Variants in SLC4A10 observed in about 807,000 individuals in gnomAD.
SLC4A10 encodes the protein solute carrier family 4 member 10, also known as sodium-driven chloride bicarbonate exchanger.
SLC4A10 carries 42 observed loss-of-function variants against 137.7 expected under a neutral mutation model. That is an observed-to-expected ratio of 0.30 (90% CI 0.24 to 0.39). The LOEUF is 0.39. SLC4A10 is among the 10% of genes least tolerant of loss of function. SLC4A10 has a pLI of 1.00. For missense variants in SLC4A10, 925 were observed against 1,355.0 expected (o/e 0.68, Z 4.98); for synonymous variants, 474 against 464.1 (o/e 1.02, Z -0.27).
At chr2:161,881,654 C>T (rs2061790201) in intron 9 of SLC4A10, among the ~76,000 whole-genome samples, 3 of 151,944 alleles carry the variant, frequency 2.0e-5, no homozygotes, top group Non-Finnish European at 4.4e-5. Context: ...GAAGGATTGA[C>T]CTTCTCAGAG....
intron 1 of SLC4A10, among the ~76,000 whole-genome samples, chr2:161,679,505 A>C (rs555846325): frequency 2.0e-5 from 3 of 152,130 alleles, no homozygotes; most frequent in Non-Finnish European, 4.4e-5. Context: ...ACATGATGAC[A>C]TGTAAAATAG....
intron 1 of SLC4A10, among the ~76,000 whole-genome samples, chr2:161,638,634 A>G (rs945620135): frequency 2.0e-5 from 3 of 152,012 alleles, no homozygotes; most frequent in Admixed American, 1.3e-4. Flanking sequence ...TACAAAATTT[A>G]AGATTTTTTC....
chr2:161,691,404 T>G (rs891475015), intron 1 of SLC4A10, among the ~76,000 whole-genome samples: 4 of 151,838 alleles, frequency 2.6e-5, no homozygotes, highest in African/African-American at 9.7e-5. Context: ...TAGTATTTGA[T>G]AGCACAACAG....
chr2:161,907,647 C>G (rs1684767242), intron 15 of SLC4A10, among the ~76,000 whole-genome samples: 1 of 152,102 alleles, frequency 6.6e-6, no homozygotes, highest in Non-Finnish European at 1.5e-5. Flanking sequence ...GAGAAGGCTT[C>G]CTGGAGGAAA....
intron 15 of SLC4A10, among the ~76,000 whole-genome samples, chr2:161,936,235 C>T (rs1211410558): frequency 1.3e-5 from 2 of 151,988 alleles, no homozygotes; most frequent in African/African-American, 4.8e-5. Flanking sequence ...GGATATTGAC[C>T]TATAATATTT....
chr2:161,950,632 G>A, intron 18 of SLC4A10, 55 bp from the exon 19 acceptor site: 1 of 1,524,276 alleles, frequency 6.6e-7, no homozygotes, highest in Non-Finnish European at 8.9e-7. Context: ...GACCTAATTT[G>A]ATCAAGTATT....
rs780074330 is a variant in SLC4A10 at position 161,839,842 on chromosome 2, G to C, written c.331G>C (p.Glu111Gln). ...TCTTGGAACCGAGGATGATGACGAG[G>C]AACACATTCCTCATGACCTTTTCAC... is the stretch of plus-strand genomic sequence containing the variant. ...FILGTEDDDEEHIPHDLFTEL... is the reference protein window; with the variant it reads ...FILGTEDDDEQHIPHDLFTEL... Residue 111 changes from glutamate to glutamine, a missense_variant, in exon 4 of 27, where the codon GAA (glutamate) becomes CAA (glutamine). This residue lies in a region of SLC4A10 where 138 missense variants were observed against 171.3 expected (regional missense o/e 0.81). Transcript: ENST00000446997. 1.2e-6 allele frequency: 2 copies of C among 1,613,758 alleles called. No individual in the cohort carries two copies. The highest frequency in any genetic ancestry group is 1.7e-6 in the Non-Finnish European group (2 of 1,179,862).
chr2:161,964,319 T>C lies in SLC4A10; in HGVS notation c.3036+11T>C. The C allele has an allele frequency of 6.2e-7, 1 of 1,612,710 alleles. No individual in the cohort carries two copies. The highest frequency in any genetic ancestry group is 8.5e-7 in the Non-Finnish European group (1 of 1,179,250). The stretch of plus-strand genomic sequence containing the variant: ...GTCTTTCCCATGATGGTATGAAACT[T>C]CTGTCAACTATTTTTCTCTTTCTCT... On this transcript the variant is annotated intron_variant, in intron 22 of 26. Coordinates refer to ENST00000446997, the MANE Select transcript of SLC4A10 (RefSeq NM_001178015.2).
chr2:161,934,342 C>A (rs1013205985), intron 15 of SLC4A10, among the ~76,000 whole-genome samples: 5 of 151,880 alleles, frequency 3.3e-5, no homozygotes, highest in African/African-American at 1.2e-4. Flanking sequence ...CCTCTGATAA[C>A]CATCATTATA....
At chr2:161,733,150 G>C (rs951479798) in intron 1 of SLC4A10, among the ~76,000 whole-genome samples, 1 of 152,184 alleles carries the variant, frequency 6.6e-6, no homozygotes. Context: ...ATGAGGAGCC[G>C]CATGTTAATC....
chr2:161,684,932 A>C (rs933275112), intron 1 of SLC4A10, among the ~76,000 whole-genome samples: 2 of 152,200 alleles, frequency 1.3e-5, no homozygotes, highest in African/African-American at 4.8e-5. Context: ...AGGTTCAAAA[A>C]GAGGCTGGTT....
At chr2:161,654,254 AG>A in intron 1 of SLC4A10, among the ~76,000 whole-genome samples, 1 of 152,280 alleles carries the variant, frequency 6.6e-6, no homozygotes, top group African/African-American at 2.4e-5. Flanking sequence ...GAGTTATAGG[AG>A]TTCCTTATAT....
chr2:161,739,778 C>T lies in SLC4A10; in HGVS notation c.49-31195C>T, dbSNP rs752760036. 4.5e-4 allele frequency among the ~76,000 whole-genome samples: 68 copies of T among 152,316 alleles called. 1 individual carries two copies. The highest frequency in any genetic ancestry group is 5.9e-4 in the Admixed American group (9 of 15,300). On this transcript the variant is annotated intron_variant, in intron 1 of 26. Coordinates refer to ENST00000446997, the MANE Select transcript of SLC4A10 (RefSeq NM_001178015.2). ...TGTGCTTGAAAAGTTGCAAAAGGAA[C>T]ATACTTGGATTGAGCTCATCTCTGC...
chr2:161,947,602 G>A lies in SLC4A10; in HGVS notation c.2140G>A (p.Ala714Thr). 1 of 1,613,084 alleles carries A rather than the reference G, an allele frequency of 6.2e-7. No homozygotes were observed. The highest frequency in any genetic ancestry group is 8.5e-7 in the Non-Finnish European group (1 of 1,179,354). The change falls in exon 17 of 27, where the codon GCC becomes ACC. Residue 714 changes from alanine (A) to threonine (T), a missense_variant. Coordinates refer to ENST00000446997, the MANE Select transcript of SLC4A10 (RefSeq NM_001178015.2). ...ATTGCATGGAGAGTATGTTGGACGG[G>A]CCTGTGGCCATGATCACCCATATGT... Reference protein sequence around the residue: ...KSLHGEYVGRACGHDHPYVPD... With the variant: ...KSLHGEYVGRTCGHDHPYVPD...
chr2:161,942,135 T>C (rs1246898559), intron 15 of SLC4A10, among the ~76,000 whole-genome samples: 1 of 152,198 alleles, frequency 6.6e-6, no homozygotes, highest in Non-Finnish European at 1.5e-5. Flanking sequence ...GTTCAATTAA[T>C]ATCACTAAAA....
At chr2:161,693,698 C>A (rs2042220741) in intron 1 of SLC4A10, among the ~76,000 whole-genome samples, 1 of 140,728 alleles carries the variant, frequency 7.1e-6, no homozygotes, top group African/African-American at 2.7e-5. Context: ...TTTTAAGATT[C>A]CACATATAAG....
At chr2:161,732,660 C>T (rs2046936624) in intron 1 of SLC4A10, among the ~76,000 whole-genome samples, 1 of 152,096 alleles carries the variant, frequency 6.6e-6, no homozygotes, top group Admixed American at 6.6e-5. Context: ...AATGTTGAAG[C>T]AACTTTGGAA....
intron 16 of SLC4A10, among the ~76,000 whole-genome samples, chr2:161,946,373 T>A (rs958270086): frequency 1.3e-5 from 2 of 152,058 alleles, no homozygotes; most frequent in Admixed American, 1.3e-4. Flanking sequence ...TGTAGCTATT[T>A]GTAATTTATT....
chr2:161,833,029 G>A (rs929722684), intron 3 of SLC4A10, among the ~76,000 whole-genome samples: 28 of 152,318 alleles, frequency 1.8e-4, no homozygotes, highest in African/African-American at 5.5e-4. Flanking sequence ...ACAGGCGTGC[G>A]CCACCGCGCC....
Sources: allele counts gnomAD v4.1 joint callset (sites outside exome capture counted in the v4.1 genomes callset), GRCh38; gene constraint gnomAD v4.1.1; regional missense constraint gnomAD v4.1.1; transcripts MANE v1.5; gene names NCBI Gene and HGNC (gene_info 2026-07-23, HGNC 2026-07-21).